The following EFCC1 variants were observed in gnomAD, a reference collection of about 807,000 sequenced individuals.
EFCC1 encodes the protein EF-hand and coiled-coil domain-containing protein 1.
In EFCC1, 50 loss-of-function variants were observed where a neutral mutation model predicts 52.1. The ratio of observed to expected loss-of-function variants is 0.96; its 90% CI spans 0.76 to 1.21. The LOEUF is 1.21. EFCC1 is among the 50% of genes most tolerant of loss of function. The pLI, the probability that EFCC1 is intolerant of heterozygous loss-of-function variation, is 0.00. For missense variants in EFCC1, 837 were observed against 867.3 expected (o/e 0.97, Z 0.44); for synonymous variants, 399 against 396.5 (o/e 1.01, Z -0.08).
intron 2 of EFCC1, among the ~76,000 whole-genome samples, chr3:129,024,148 C>T (rs1191097242): frequency 1.3e-5 from 2 of 152,182 alleles, no homozygotes; most frequent in Admixed American, 6.5e-5. Flanking sequence ...ACACACCACA[C>T]GAGGGCTCTA....
rs551113430 is a variant in EFCC1, at chr3:129,003,847, G to A, written c.750G>A (p.Pro250=). 801 of 1,454,950 alleles carry A rather than the reference G, an allele frequency of 5.5e-4. No homozygotes were observed. In the African/African-American group the frequency reaches 0.01, roughly 19 times the overall value. 90.1% of individuals were successfully genotyped at this position (1,454,950 alleles called of 1,614,324 possible). ...CCCACGAGATGGGGCACGGCGGGCCGGAGGCTGCGGTGCGGGAGCTGCGTC... is the reference window on the plus strand; with the variant it reads ...CCCACGAGATGGGGCACGGCGGGCCAGAGGCTGCGGTGCGGGAGCTGCGTC... ...ASTHEMGHGG[P]EAAVRELRQA... The change falls in exon 2 of 8, where the codon CCG becomes CCA. Residue 250 remains proline, a synonymous_variant. Coordinates refer to ENST00000683648, the MANE Select transcript of EFCC1 (RefSeq NM_001377500.1).
Position 129,038,853 on chromosome 3 carries a change from G to A in EFCC1, c.1616G>A (p.Gly539Glu), listed in dbSNP as rs1423479427. The A allele has an allele frequency of 4.3e-6, 7 of 1,613,870 alleles. No individual in the cohort carries two copies. Among genetic ancestry groups the A allele is most frequent in the South Asian group, 3.3e-5 (3 of 91,078 alleles). Residue 539 changes from glycine (G) to glutamate (E), a missense_variant, in exon 7 of 8, where the codon GGG becomes GAG. Gly to Glu is a moderately conservative substitution (Grantham distance 98). Coordinates refer to ENST00000683648, the MANE Select transcript of EFCC1 (RefSeq NM_001377500.1). ...AAGAACATATCGAAAAGAGCCCTGG[G>A]GAAGATTTTGCTGAGCACGCTGGAC... ...RDLNISKRAL[G>E]KILLSTLDAF...
At chr3:129,025,124 C>G (rs919247209) in intron 2 of EFCC1, among the ~76,000 whole-genome samples, 2 of 152,172 alleles carry the variant, frequency 1.3e-5, no homozygotes, top group African/African-American at 4.8e-5. Context: ...TTGTCAGGAA[C>G]TGGATCTGAG....
intron 2 of EFCC1, among the ~76,000 whole-genome samples, chr3:129,018,177 A>G (rs958957003): frequency 6.6e-6 from 1 of 152,192 alleles, no homozygotes; most frequent in Admixed American, 6.5e-5. Context: ...CCTTGGGAGT[A>G]AAGATGAGAC....
At chr3:129,017,041 C>T (rs1945616158) in intron 2 of EFCC1, among the ~76,000 whole-genome samples, 1 of 152,222 alleles carries the variant, frequency 6.6e-6, no homozygotes, top group African/African-American at 2.4e-5. Flanking sequence ...GTCATTTTGG[C>T]CTGTCAGCAA....
At position 129,030,741 on chromosome 3, in the gene EFCC1, A is replaced by G. The variant is rs1049249510; in HGVS notation, c.1019A>G (p.Asn340Ser). ...CAGCTCCCAACCCCGCAGCTAGCCA[A>G]CCCAGAGCCAGGAGACAAGAGTAAT... ...DSQLPTPQLA[N>S]PEPGDKSNEP... is the part of the protein sequence containing the mutation. Residue 340 changes from asparagine to serine, a missense_variant, in exon 3 of 8, where the codon AAC becomes AGC. Asn to Ser is a conservative substitution (Grantham distance 46). Transcript: ENST00000683648. The G allele has an allele frequency of 6.4e-7, 1 of 1,551,568 alleles. No individual in the cohort carries two copies. The highest frequency in any genetic ancestry group is 8.7e-7 in the Non-Finnish European group (1 of 1,146,928).
rs1303226239 is a variant in EFCC1 at position 129,034,344 on chromosome 3, G to C, written c.1452+15G>C. On this transcript the variant is annotated intron_variant, in intron 5 of 7. Coordinates refer to ENST00000683648, the MANE Select transcript of EFCC1 (RefSeq NM_001377500.1). Reference sequence around the variant, plus strand: ...CTGAGGAGGAGGTCAGCAGAGCCTAGAGATCAAAGGCTGGAGCAATTCTAG... The same window carrying C: ...CTGAGGAGGAGGTCAGCAGAGCCTACAGATCAAAGGCTGGAGCAATTCTAG... 1.2e-6 allele frequency: 2 copies of C among 1,613,010 alleles called. No homozygotes were observed. Among genetic ancestry groups the C allele is most frequent in the African/African-American group, 1.3e-5 (1 of 75,004 alleles).
At position 129,032,969 on chromosome 3, in the gene EFCC1, G is replaced by A. The variant is rs1339647870; in HGVS notation, c.1286+3G>A. 5 of 1,535,088 alleles carry A rather than the reference G, an allele frequency of 3.3e-6. No homozygotes were observed. Among genetic ancestry groups the A allele is most frequent in the East Asian group, 2.5e-5 (1 of 40,650 alleles). ...CGGCTCTCCAGCTGCAGAGGCAGGT[G>A]TGTGGCCCGTCCAGCGTCAGCCACT... On this transcript the variant is annotated splice_donor_region_variant and intron_variant, in intron 4 of 7. Coordinates refer to ENST00000683648, the MANE Select transcript of EFCC1 (RefSeq NM_001377500.1).
At chr3:129,009,659 C>T (rs55828563) in intron 2 of EFCC1, among the ~76,000 whole-genome samples, 8,212 of 152,246 alleles carry the variant, frequency 0.054, 322 homozygotes, top group Non-Finnish European at 0.079. Flanking sequence ...GGCACTGTAC[C>T]CCAGACACAT....
rs55853588 is a variant in EFCC1 at position 129,013,404 on chromosome 3, C to T, written c.980+9327C>T. On this transcript the variant is annotated intron_variant, in intron 2 of 7. Transcript: ENST00000683648. ...TTATTTATCAACTAAAAATCTCAAG[C>T]GTATATAGCTTCAGGCATGGCTAGA... 5.8e-4 allele frequency among the ~76,000 whole-genome samples: 88 copies of T among 152,254 alleles called. 1 individual carries two copies. Among genetic ancestry groups the T allele is most frequent in the Middle Eastern group, 3.4e-3 (1 of 294 alleles).
Position 129,039,918 on chromosome 3 carries a change from C to T in EFCC1, c.*70C>T. 6.6e-7 allele frequency: 1 copy of T among 1,506,940 alleles called. No individual in the cohort carries two copies. Among genetic ancestry groups the T allele is most frequent in the Non-Finnish European group, 8.9e-7 (1 of 1,122,272 alleles). The allele number at this position is 1,506,940 out of a possible 1,614,324, so 93.3% of individuals were successfully genotyped here. A position where few individuals can be genotyped will look rare whatever the true frequency, so the allele number is the denominator to read the frequency against. On this transcript the variant is annotated 3_prime_UTR_variant, in exon 8 of 8. Coordinates refer to ENST00000683648, the MANE Select transcript of EFCC1 (RefSeq NM_001377500.1). ...TTTGGACCAGCCTCCATGATCAGCC[C>T]AACCACTGACAGCTGGTCTGACCAC...
Position 129,030,703 on chromosome 3 carries a change from G to A in EFCC1, c.981G>A (p.Arg327=). ...GCCTGTGTCTCTCCCACGGCTGCAGGTCAGAGGATTCCCAGCTCCCAACCC... is the reference window on the plus strand; with the variant it reads ...GCCTGTGTCTCTCCCACGGCTGCAGATCAGAGGATTCCCAGCTCCCAACCC... The part of the protein sequence containing the change: ...RRLEAELQRY[R]SEDSQLPTPQ... Residue 327 remains arginine, a splice_region_variant and synonymous_variant, in exon 3 of 8, where the codon AGG becomes AGA. Transcript: ENST00000683648. 6.4e-7 allele frequency: 1 copy of A among 1,551,332 alleles called. No homozygotes were observed. Among genetic ancestry groups the A allele is most frequent in the Non-Finnish European group, 8.7e-7 (1 of 1,146,784 alleles).
At chr3:129,004,129 T>G in intron 2 of EFCC1, 52 bp downstream of exon 2, 4 of 1,411,820 alleles carry the variant, frequency 2.8e-6, no homozygotes, top group Non-Finnish European at 3.7e-6. Context: ...GGCTCCCATT[T>G]TCCCAAACTT....
In EFCC1 at chr3:129,002,098, C is replaced by T. The variant is rs1226035251; in HGVS notation, c.470C>T (p.Ala157Val). ...CTCTGTGGCTACTTCGGCACCCGTG[C>T]GGGGCCCCGGCTGCCCCGCGGCGCT... ...ARLCGYFGTR[A>V]GPRLPRGALS... Residue 157 changes from alanine to valine, a missense_variant, in exon 1 of 8, where the codon GCG (alanine) becomes GTG (valine). Physicochemically the swap from Ala to Val is moderately conservative, Grantham distance 64. Transcript: ENST00000683648. 6 of 1,506,214 alleles carry T rather than the reference C, an allele frequency of 4.0e-6. No homozygotes were observed. The highest frequency in any genetic ancestry group is 5.3e-6 in the Non-Finnish European group (6 of 1,129,884). The allele number at this position is 1,506,214 out of a possible 1,614,324, so 93.3% of individuals were successfully genotyped here. A position where few individuals can be genotyped will look rare whatever the true frequency, so the allele number is the denominator to read the frequency against.
chr3:129,022,582 G>A (rs536628129), intron 2 of EFCC1, among the ~76,000 whole-genome samples: 17 of 152,298 alleles, frequency 1.1e-4, no homozygotes, highest in East Asian at 5.8e-4. Flanking sequence ...CCCGGCCTCC[G>A]GATGCTGTGC....
chr3:129,004,927 C>T (rs1945003342), intron 2 of EFCC1, among the ~76,000 whole-genome samples: 1 of 152,182 alleles, frequency 6.6e-6, no homozygotes, highest in Admixed American at 6.5e-5. Flanking sequence ...ACAGACCCTG[C>T]TTCCTCTTGG....
chr3:129,002,386 G>T, intron 1 of EFCC1, 62 bp downstream of exon 1: 2 of 1,474,758 alleles, frequency 1.4e-6, no homozygotes, highest in East Asian at 5.6e-5. Flanking sequence ...CTAAAAGCTG[G>T]CTGGCTGCGG....
intron 2 of EFCC1, among the ~76,000 whole-genome samples, chr3:129,028,641 CTTTT>C (rs370016067): frequency 6.7e-6 from 1 of 150,210 alleles, no homozygotes; most frequent in African/African-American, 2.5e-5. Context: ...TTTCTTTTTT[CTTTT>C]TTTTTTCTTT....
chr3:129,011,403 T>C (rs1481826310), intron 2 of EFCC1, among the ~76,000 whole-genome samples: 1 of 151,936 alleles, frequency 6.6e-6, no homozygotes, highest in African/African-American at 2.4e-5. Flanking sequence ...ATACAAAAAT[T>C]AGCCAGGTGT....
Sources: gnomAD v4.1 joint callset for allele counts (sites outside exome capture counted in the v4.1 genomes callset) on GRCh38, gnomAD v4.1.1 for gene constraint, MANE v1.5 for transcripts, NCBI Gene and HGNC (gene_info 2026-07-23, HGNC 2026-07-21) for gene names.